Variants in NRXN1 observed in about 807,000 individuals in gnomAD.
NRXN1 encodes the protein neurexin 1.
In NRXN1, 39 loss-of-function variants were observed where a neutral mutation model predicts 150.9. The ratio of observed to expected loss-of-function variants is 0.26; its 90% confidence interval spans 0.20 to 0.34. NRXN1 has a LOEUF of 0.34. Among genes scored for constraint, NRXN1 ranks in the 10% least tolerant of loss-of-function variants. The pLI, the probability that NRXN1 is intolerant of heterozygous loss-of-function variation, is 1.00. For missense variants in NRXN1, 1,815 were observed against 1,949.9 expected (o/e 0.93, Z 1.30); for synonymous variants, 924 against 757.0 (o/e 1.22, Z -3.62).
chr2:50,683,833 T>C (rs72887520), intron 5 of NRXN1, among the ~76,000 whole-genome samples: 3,808 of 150,366 alleles, frequency 0.025, 159 homozygotes, highest in African/African-American at 0.088. Flanking sequence ...TTAACTCACG[T>C]TAGCAAGTTC....
chr2:50,523,790 C>T (rs569692564), intron 12 of NRXN1, among the ~76,000 whole-genome samples: 93 of 152,296 alleles, frequency 6.1e-4, no homozygotes, highest in Non-Finnish European at 1.0e-3. Context: ...TCCTTAGATG[C>T]CCCTTCTCTC....
At chr2:50,645,263 T>C (rs183223750) in intron 5 of NRXN1, among the ~76,000 whole-genome samples, 192 of 151,996 alleles carry the variant, frequency 1.3e-3, no homozygotes, top group Admixed American at 2.4e-3. Context: ...TGATTCAAAA[T>C]AGATATCCAA....
At chr2:50,200,912 C>T (rs1340188824) in intron 18 of NRXN1, among the ~76,000 whole-genome samples, 1 of 152,016 alleles carries the variant, frequency 6.6e-6, no homozygotes, top group African/African-American at 2.4e-5. Context: ...TCAGTCAATA[C>T]TAAATAAGAA....
chr2:50,125,303 T>A (rs1383862011), intron 18 of NRXN1, among the ~76,000 whole-genome samples: 1 of 152,170 alleles, frequency 6.6e-6, no homozygotes, highest in Non-Finnish European at 1.5e-5. Context: ...CACATTTGAA[T>A]ACAATCTATA....
chr2:50,516,170 T>A (rs1334789531), intron 12 of NRXN1, among the ~76,000 whole-genome samples: 1 of 152,168 alleles, frequency 6.6e-6, no homozygotes, highest in African/African-American at 2.4e-5. Flanking sequence ...TTTTTCTGCC[T>A]CTTAACATTA....
At chr2:50,612,767 G>C (rs1408486568) in intron 8 of NRXN1, among the ~76,000 whole-genome samples, 1 of 152,138 alleles carries the variant, frequency 6.6e-6, no homozygotes, top group Non-Finnish European at 1.5e-5. Context: ...TATCAACTCA[G>C]GGATGGCACT....
chr2:50,343,384 G>A (rs1414939382), intron 17 of NRXN1, among the ~76,000 whole-genome samples: 1 of 152,100 alleles, frequency 6.6e-6, no homozygotes, highest in Non-Finnish European at 1.5e-5. Context: ...GACTCTTGTT[G>A]GCGTTAAGTA....
chr2:51,014,148 C>G (rs969146739), intron 2 of NRXN1, among the ~76,000 whole-genome samples: 1 of 152,052 alleles, frequency 6.6e-6, no homozygotes, highest in Non-Finnish European at 1.5e-5. Context: ...TGCAGTGATG[C>G]TGCTGCTGGG....
intron 5 of NRXN1, among the ~76,000 whole-genome samples, chr2:50,660,511 C>CT (rs1315167253): frequency 6.6e-6 from 1 of 151,962 alleles, no homozygotes; most frequent in African/African-American, 2.4e-5. Flanking sequence ...CGACCTAGTA[C>CT]CATTAATCTG....
intron 18 of NRXN1, among the ~76,000 whole-genome samples, chr2:50,225,457 A>T (rs1355681533): frequency 6.6e-6 from 1 of 151,866 alleles, no homozygotes; most frequent in Non-Finnish European, 1.5e-5. Flanking sequence ...ACAAGGACAT[A>T]TAAAGACATA....
intron 16 of NRXN1, among the ~76,000 whole-genome samples, chr2:50,465,871 A>G (rs2088779761): frequency 6.6e-6 from 1 of 151,898 alleles, no homozygotes; most frequent in East Asian, 1.9e-4. Flanking sequence ...ATTCTTTATC[A>G]CTATTTTGAT....
intron 5 of NRXN1, among the ~76,000 whole-genome samples, chr2:50,879,528 A>G (rs1006461929): frequency 4.6e-5 from 7 of 152,016 alleles, no homozygotes; most frequent in African/African-American, 1.2e-4. Context: ...AAAAAGTCAA[A>G]TCCCTTCATT....
chr2:50,354,565 A>ATATATG (rs1327859700), intron 17 of NRXN1, among the ~76,000 whole-genome samples: 3 of 140,420 alleles, frequency 2.1e-5, no homozygotes, highest in African/African-American at 5.3e-5. Context: ...ATATATATAT[A>ATATATG]TATATATATA....
chr2:50,057,652 T>G (rs1421591), intron 19 of NRXN1, among the ~76,000 whole-genome samples: 104,504 of 152,068 alleles, frequency 0.69, 36,764 homozygotes, highest in African/African-American at 0.83. Flanking sequence ...ACAATCCTAT[T>G]AATATCTGTA....
At chr2:50,615,086 A>G (rs1678852110) in intron 8 of NRXN1, among the ~76,000 whole-genome samples, 1 of 152,220 alleles carries the variant, frequency 6.6e-6, no homozygotes, top group African/African-American at 2.4e-5. Context: ...CTACCTCAGT[A>G]GCATCTTCCA....
chr2:50,299,547 T>A (rs2152953305), intron 17 of NRXN1, among the ~76,000 whole-genome samples: 1 of 152,296 alleles, frequency 6.6e-6, no homozygotes, highest in Non-Finnish European at 1.5e-5. Flanking sequence ...CTGCTTAGTT[T>A]ACATTTAGTA....
At chr2:50,195,321 T>C (rs2061687610) in intron 18 of NRXN1, among the ~76,000 whole-genome samples, 1 of 152,170 alleles carries the variant, frequency 6.6e-6, no homozygotes, top group African/African-American at 2.4e-5. Flanking sequence ...AATGATTGTG[T>C]GTGATCCAGC....
At chr2:50,730,460 C>T (rs1174942100) in intron 5 of NRXN1, among the ~76,000 whole-genome samples, 1 of 152,030 alleles carries the variant, frequency 6.6e-6, no homozygotes, top group Non-Finnish European at 1.5e-5. Flanking sequence ...AATGTGTTCC[C>T]TCTGTCCAGT....
intron 18 of NRXN1, among the ~76,000 whole-genome samples, chr2:50,106,877 A>G (rs1234195538): frequency 1.3e-5 from 2 of 152,010 alleles, no homozygotes; most frequent in African/African-American, 2.4e-5. Context: ...TAGCTTAAAC[A>G]TCATAATGTT....
Sources: gnomAD v4.1 joint callset for allele counts (sites outside exome capture counted in the v4.1 genomes callset) on GRCh38, gnomAD v4.1.1 for gene constraint, MANE v1.5 for transcripts, NCBI Gene and HGNC (gene_info 2026-07-23, HGNC 2026-07-21) for gene names.